The following IL1RAPL2 variants were observed in gnomAD, a reference collection of about 807,000 sequenced individuals.
IL1RAPL2 encodes interleukin 1 receptor accessory protein like 2.
In IL1RAPL2, 3 loss-of-function variants were observed where a neutral mutation model predicts 44.1. The ratio of observed to expected loss-of-function variants is 0.07; its 90% CI spans 0.03 to 0.18. IL1RAPL2 has a LOEUF of 0.18. Ranked by LOEUF, IL1RAPL2 falls within the 10% of genes least tolerant of loss-of-function variation. IL1RAPL2 has a pLI of 1.00. For synonymous variants in IL1RAPL2, 181 were observed against 178.8 expected (o/e 1.01, Z -0.10); for missense variants, 391 against 496.4 (o/e 0.79, Z 2.02).
At chrX:105,447,648 TAAATATAA>T (rs2035978030) in intron 5 of IL1RAPL2, among the ~76,000 whole-genome samples, 9 of 75,631 alleles carry the variant, frequency 1.2e-4, no homozygotes, top group African/African-American at 4.4e-4. Flanking sequence ...AATATAAATA[TAAATATAA>T]ATAAATATAA....
chrX:104,880,735 G>A (rs1000035297), intron 2 of IL1RAPL2, among the ~76,000 whole-genome samples: 4 of 112,144 alleles, frequency 3.6e-5, no homozygotes, highest in Admixed American at 9.5e-5. Context: ...CAAACTGTTC[G>A]AAGTAATGCA....
chrX:105,101,449 G>A (rs1027661051), intron 2 of IL1RAPL2, among the ~76,000 whole-genome samples: 2 of 111,645 alleles, frequency 1.8e-5, no homozygotes, highest in Non-Finnish European at 3.8e-5. Flanking sequence ...TAGAATAATT[G>A]GCATGTAGAA....
intron 5 of IL1RAPL2, among the ~76,000 whole-genome samples, chrX:105,315,601 T>TATATATATATATATATATATATATATA (rs1569422606): frequency 3.2e-5 from 2 of 62,159 alleles, no homozygotes; most frequent in East Asian, 6.1e-4. Context: ...TATATATATA[T>TATATATATATATATATATATATATATA]GGTTTTATTA....
chrX:105,252,940 CT>C (rs59577091), intron 4 of IL1RAPL2, among the ~76,000 whole-genome samples: 7 of 110,089 alleles, frequency 6.4e-5, no homozygotes, highest in Non-Finnish European at 9.5e-5. Context: ...TTATTTGGAA[CT>C]TTTTTGTCTA....
intron 2 of IL1RAPL2, among the ~76,000 whole-genome samples, chrX:104,785,012 C>T (rs73523376): frequency 0.02 from 2,203 of 110,668 alleles, 50 homozygotes; most frequent in African/African-American, 0.07. Context: ...CAAGGATTAT[C>T]GCTCTTTCTT....
At chrX:105,060,650 A>G (rs764582501) in intron 2 of IL1RAPL2, among the ~76,000 whole-genome samples, 6 of 97,826 alleles carry the variant, frequency 6.1e-5, no homozygotes, top group African/African-American at 2.4e-4. Flanking sequence ...CTGGCCTCAT[A>G]GAATGAGTTT....
At chrX:105,208,299 C>T (rs1340165640) in intron 3 of IL1RAPL2, among the ~76,000 whole-genome samples, 7 of 111,688 alleles carry the variant, frequency 6.3e-5, no homozygotes, top group Non-Finnish European at 1.1e-4. Context: ...TAATAAGGCA[C>T]GTTTTTTGCA....
chrX:105,717,608 C>G (rs776368607), intron 7 of IL1RAPL2, 112 bp downstream of exon 7: 1 of 679,247 alleles, frequency 1.5e-6, no homozygotes, highest in Admixed American at 3.5e-5. Context: ...TATGGAGAGA[C>G]CAAGGATGAC....
At chrX:105,406,103 C>A (rs751451309) in intron 5 of IL1RAPL2, 43 of 1,191,625 alleles carry the variant, frequency 3.6e-5, no homozygotes, top group Non-Finnish European at 4.9e-5. Flanking sequence ...TTTGAGAGAG[C>A]AGCTGGGATC....
At position 104,624,395 on chromosome X, in the gene IL1RAPL2, A is replaced by G. The variant is rs944560990; in HGVS notation, c.-19-34500A>G. 7.8e-4 allele frequency among the ~76,000 whole-genome samples: 87 copies of G among 111,705 alleles called. 1 individual carries two copies. Among genetic ancestry groups the G allele is most frequent in the African/African-American group, 2.4e-3 (75 of 30,766 alleles). On this transcript the variant is annotated intron_variant, in intron 1 of 10. Coordinates refer to ENST00000372582, the MANE Select transcript of IL1RAPL2 (RefSeq NM_017416.2). Reference sequence around the variant, plus strand: ...GAACACCTGAATGAAAACTTGGACAAAAGATATGAGCAAAGCTATCTACAG... The same window carrying G: ...GAACACCTGAATGAAAACTTGGACAGAAGATATGAGCAAAGCTATCTACAG...
intron 6 of IL1RAPL2, among the ~76,000 whole-genome samples, chrX:105,604,573 A>G (rs1035528904): frequency 2.7e-5 from 3 of 111,339 alleles, no homozygotes; most frequent in Non-Finnish European, 3.8e-5. Flanking sequence ...AATTTTACCA[A>G]ACTTTCATAG....
At chrX:104,985,597 C>T (rs2030547598) in intron 2 of IL1RAPL2, among the ~76,000 whole-genome samples, 1 of 111,856 alleles carries the variant, frequency 8.9e-6, no homozygotes, top group Non-Finnish European at 1.9e-5. Context: ...TGTTACTGTT[C>T]TCACAGATGT....
At chrX:105,176,301 G>T (rs184672167) in intron 2 of IL1RAPL2, among the ~76,000 whole-genome samples, 3 of 111,006 alleles carry the variant, frequency 2.7e-5, no homozygotes, top group African/African-American at 6.6e-5. Context: ...GGTGAGGCCA[G>T]CATACTGGGT....
chrX:105,040,094 T>C (rs1372416332), intron 2 of IL1RAPL2, among the ~76,000 whole-genome samples: 1 of 111,039 alleles, frequency 9.0e-6, no homozygotes, highest in African/African-American at 3.3e-5. Context: ...GCATGAAGGG[T>C]TGTTGAATTT....
chrX:105,017,018 T>A (rs2031192885), intron 2 of IL1RAPL2, among the ~76,000 whole-genome samples: 1 of 111,071 alleles, frequency 9.0e-6, no homozygotes, highest in South Asian at 3.8e-4. Flanking sequence ...TTCAGGGATT[T>A]GACTTCTTCC....
chrX:104,889,504 C>T (rs976673144), intron 2 of IL1RAPL2, among the ~76,000 whole-genome samples: 3 of 111,715 alleles, frequency 2.7e-5, no homozygotes, highest in African/African-American at 6.5e-5. Context: ...TGTGGAACAT[C>T]GACCTATATC....
At chrX:104,765,550 G>A (rs774451406) in intron 2 of IL1RAPL2, among the ~76,000 whole-genome samples, 1 of 111,844 alleles carries the variant, frequency 8.9e-6, no homozygotes, top group South Asian at 3.8e-4. Flanking sequence ...ATTGTGAATG[G>A]TTAATAAGGG....
At chrX:105,509,244 A>G (rs2036453060) in intron 6 of IL1RAPL2, among the ~76,000 whole-genome samples, 1 of 112,296 alleles carries the variant, frequency 8.9e-6, no homozygotes, top group Non-Finnish European at 1.9e-5. Flanking sequence ...GCTATTTCAT[A>G]TAAGATCATC....
At chrX:105,034,534 C>G (rs1381794218) in intron 2 of IL1RAPL2, among the ~76,000 whole-genome samples, 25 of 112,258 alleles carry the variant, frequency 2.2e-4, no homozygotes, top group Admixed American at 2.2e-3. Context: ...GGCTGCAGAA[C>G]AGCGGTGGCT....
Sources: gnomAD v4.1 joint callset for allele counts (sites outside exome capture counted in the v4.1 genomes callset) on GRCh38, gnomAD v4.1.1 for gene constraint, MANE v1.5 for transcripts, NCBI Gene and HGNC (gene_info 2026-07-23, HGNC 2026-07-21) for gene names.